Variants in ANKRD10 observed in about 807,000 individuals in gnomAD.
ANKRD10 encodes ankyrin repeat domain 10, also known as ankyrin repeat domain-containing protein 10.
Under a neutral mutation model 27.0 loss-of-function variants are expected in ANKRD10, and 14 were observed. That is an observed-to-expected ratio of 0.52 (90% CI 0.34 to 0.81). The LOEUF (loss-of-function observed/expected upper bound fraction) is 0.81, where lower values mean the gene tolerates loss of function less well. ANKRD10 is among the 40% of genes least tolerant of loss of function. The pLI, the probability that ANKRD10 is intolerant of heterozygous loss-of-function variation, is 0.01. For synonymous variants in ANKRD10, 250 were observed against 224.5 expected (o/e 1.11, Z -1.01); for missense variants, 493 against 544.0 (o/e 0.91, Z 0.93).
chr13:110,899,371 C>T (rs527738597), intron 3 of ANKRD10, among the ~76,000 whole-genome samples: 1 of 152,212 alleles, frequency 6.6e-6, no homozygotes, highest in South Asian at 2.1e-4. Context: ...CACCTGGATA[C>T]ATGGGCTGTG....
intron 4 of ANKRD10, among the ~76,000 whole-genome samples, chr13:110,891,631 A>T (rs2065075957): frequency 6.6e-6 from 1 of 152,182 alleles, no homozygotes; most frequent in Admixed American, 6.5e-5. Context: ...AGAAAAGATG[A>T]TGTTGGTTCA....
intron 3 of ANKRD10, chr13:110,895,223 A>G (rs747077711): frequency 2.6e-5 from 4 of 152,240 alleles, no homozygotes; most frequent in African/African-American, 4.8e-5. Flanking sequence ...CCCACAGTAA[A>G]GATTACTCTT....
intron 1 of ANKRD10, among the ~76,000 whole-genome samples, chr13:110,913,433 C>A (rs1166553726): frequency 1.3e-5 from 2 of 152,224 alleles, no homozygotes; most frequent in Admixed American, 1.3e-4. Flanking sequence ...GCAGGTACTA[C>A]GGTTGCACAA....
At chr13:110,894,067 G>T in intron 3 of ANKRD10, 1 of 1,389,194 alleles carries the variant, frequency 7.2e-7, no homozygotes. Context: ...GGCAGAGTAA[G>T]TGAAAGAGCT....
intron 4 of ANKRD10, among the ~76,000 whole-genome samples, chr13:110,886,356 C>T (rs141499153): frequency 6.6e-6 from 1 of 152,314 alleles, no homozygotes; most frequent in African/African-American, 2.4e-5. Flanking sequence ...TGAAAGGCTT[C>T]CATATTTTAC....
intron 3 of ANKRD10, chr13:110,894,024 G>C: frequency 1.0e-6 from 1 of 1,004,062 alleles, no homozygotes; most frequent in Non-Finnish European, 1.5e-6. Context: ...GACCTCTACA[G>C]TAGCTAAAAC....
At chr13:110,905,027 T>C (rs1355354237) in intron 3 of ANKRD10, 1 of 152,264 alleles carries the variant, frequency 6.6e-6, no homozygotes, top group Non-Finnish European at 1.5e-5. Context: ...AGGGTTAAAC[T>C]AGTTTTGTGG....
chr13:110,907,649 G>A (rs1375243227), intron 2 of ANKRD10, among the ~76,000 whole-genome samples: 1 of 152,122 alleles, frequency 6.6e-6, no homozygotes, highest in Non-Finnish European at 1.5e-5. Flanking sequence ...GTTCTAAACA[G>A]AAAAATCCAT....
chr13:110,910,767 C>T lies in ANKRD10; in HGVS notation c.214G>A (p.Glu72Lys). 1 of 1,612,570 alleles carries T rather than the reference C, an allele frequency of 6.2e-7. No individual in the cohort carries two copies. Among genetic ancestry groups the T allele is most frequent in the African/African-American group, 1.3e-5 (1 of 74,908 alleles). The part of the protein sequence containing the change: ...VHWAAHFGKL[E>K]CLVQLVRAGA... ...GCTCTCACCAACTGCACTAAGCACT[C>T]CAACTTCGAAAACAAGAGGGGTAAT... Residue 72 changes from glutamate to lysine, a missense_variant, in exon 2 of 6, where the codon GAG (glutamate) becomes AAG (lysine). Glu to Lys is a moderately conservative substitution (Grantham distance 56). Coordinates refer to ENST00000267339, the MANE Select transcript of ANKRD10 (RefSeq NM_017664.4).
chr13:110,885,306 A>T (rs1402054033), intron 4 of ANKRD10, among the ~76,000 whole-genome samples: 1 of 152,142 alleles, frequency 6.6e-6, no homozygotes, highest in Non-Finnish European at 1.5e-5. Flanking sequence ...TAATCCCAGC[A>T]CTTTGGGAGG....
chr13:110,898,805 G>C (rs1325971879), intron 3 of ANKRD10, among the ~76,000 whole-genome samples: 1 of 148,404 alleles, frequency 6.7e-6, no homozygotes, highest in Non-Finnish European at 1.5e-5. Flanking sequence ...GCCTAGGCTG[G>C]AGTGCAATGG....
chr13:110,898,742 TTTC>T (rs1284168306), intron 3 of ANKRD10, among the ~76,000 whole-genome samples: 6 of 121,436 alleles, frequency 4.9e-5, no homozygotes, highest in Admixed American at 9.3e-5. Flanking sequence ...CCAACTAGTT[TTTC>T]TTTTCTTTTT....
At chr13:110,897,422 CTA>C (rs557402154) in intron 3 of ANKRD10, among the ~76,000 whole-genome samples, 20 of 151,574 alleles carry the variant, frequency 1.3e-4, no homozygotes, top group Non-Finnish European at 2.9e-4. Flanking sequence ...CTCTCTACTT[CTA>C]TGAGATCTTT....
chr13:110,883,831 C>T, intron 4 of ANKRD10, 38 bp from the exon 5 acceptor site: 1 of 1,586,678 alleles, frequency 6.3e-7, no homozygotes, highest in Non-Finnish European at 8.6e-7. Context: ...ATTCCTTTGT[C>T]TGTAACAAGA....
chr13:110,911,039 CAATTG>C (rs2065686780), intron 1 of ANKRD10, among the ~76,000 whole-genome samples: 2 of 152,314 alleles, frequency 1.3e-5, no homozygotes, highest in African/African-American at 2.4e-5. Flanking sequence ...TGTTTCCCTA[CAATTG>C]AATAAGCCAA....
intron 3 of ANKRD10, chr13:110,900,714 G>GTA (rs2065358970): frequency 7.5e-7 from 1 of 1,339,352 alleles, no homozygotes; most frequent in Non-Finnish European, 9.9e-7. Flanking sequence ...ATTGACATGT[G>GTA]TAGTTTTTAC....
At chr13:110,883,586 G>C in intron 5 of ANKRD10, 112 bp downstream of exon 5, 1 of 1,490,066 alleles carries the variant, frequency 6.7e-7, no homozygotes. Flanking sequence ...CTGCATTGCT[G>C]ACACAGTATA....
At chr13:110,897,573 G>A (rs1279406081) in intron 3 of ANKRD10, among the ~76,000 whole-genome samples, 1 of 151,850 alleles carries the variant, frequency 6.6e-6, no homozygotes, top group Admixed American at 6.6e-5. Context: ...AGTATTCCAC[G>A]GGGTATATAT....
In ANKRD10 at chr13:110,910,615, T is replaced by C. The variant is rs1315819397; in HGVS notation, c.363+3A>G. On this transcript the variant is annotated splice_donor_region_variant and intron_variant, in intron 2 of 5. Transcript: ENST00000267339. ...AAACCAAGTCCATCACCAGCACTCT[T>C]ACCGGTTTGTTAATGTTGGCTCCTG... 4 of 1,613,582 alleles carry C rather than the reference T, an allele frequency of 2.5e-6. No individual in the cohort carries two copies. The highest frequency in any genetic ancestry group is 3.4e-6 in the Non-Finnish European group (4 of 1,179,938).
Sources: allele counts gnomAD v4.1 joint callset (sites outside exome capture counted in the v4.1 genomes callset), GRCh38; gene constraint gnomAD v4.1.1; transcripts MANE v1.5; gene names NCBI Gene and HGNC (gene_info 2026-07-23, HGNC 2026-07-21).